The following WASHC2C variants were observed in gnomAD, a reference collection of about 807,000 sequenced individuals.
The protein encoded by WASHC2C is Vaccinia Penetration Factor.
WASHC2C carries 73 observed loss-of-function variants against 142.2 expected under a neutral mutation model. The ratio of observed to expected loss-of-function variants is 0.51; its 90% CI spans 0.43 to 0.62. The LOEUF is 0.62. Among genes scored for constraint, WASHC2C ranks in the 20% least tolerant of loss-of-function variants. WASHC2C has a pLI of 0.00. For missense variants in WASHC2C, 969 were observed against 1,531.7 expected (o/e 0.63, Z 6.13); for synonymous variants, 337 against 565.5 (o/e 0.60, Z 5.73).
intron 21 of WASHC2C, among the ~76,000 whole-genome samples, chr10:45,775,680 AT>A (rs569006368): frequency 2.6e-3 from 345 of 132,974 alleles, no homozygotes; most frequent in African/African-American, 6.8e-3. Flanking sequence ...TTTGCATTGA[AT>A]TTTTTTTTTT....
At chr10:45,756,459 A>AAC in intron 15 of WASHC2C, among the ~76,000 whole-genome samples, 1 of 152,182 alleles carries the variant, frequency 6.6e-6, no homozygotes, top group African/African-American at 2.4e-5. Flanking sequence ...CTTCTTATTT[A>AAC]TAGCCTTATT....
In WASHC2C at chr10:45,790,348, T is replaced by G. The variant is rs1446613215; in HGVS notation, c.3709-8T>G. Reference sequence around the variant, plus strand: ...ACATTGTTTTGTATGTATTTTTGGCTTAACAAGGATGATATATTTGCTACG... The same window carrying G: ...ACATTGTTTTGTATGTATTTTTGGCGTAACAAGGATGATATATTTGCTACG... On this transcript the variant is annotated splice_polypyrimidine_tract_variant and splice_region_variant and intron_variant, in intron 29 of 30. Coordinates refer to ENST00000623400, the MANE Select transcript of WASHC2C (RefSeq NM_001330074.2). The G allele has an allele frequency of 3.7e-6, 6 of 1,608,864 alleles. No individual in the cohort carries two copies. The South Asian group carries it at 6.7e-5, about 18-fold the overall frequency.
At chr10:45,729,897 A>G (rs1268787865) in intron 3 of WASHC2C, among the ~76,000 whole-genome samples, 4 of 152,216 alleles carry the variant, frequency 2.6e-5, no homozygotes, top group African/African-American at 9.6e-5. Context: ...CTTGTGCAGC[A>G]TGTTTGTGCA....
intron 30 of WASHC2C, among the ~76,000 whole-genome samples, chr10:45,791,378 C>T (rs1279443485): frequency 2.0e-5 from 3 of 149,106 alleles, no homozygotes; most frequent in Non-Finnish European, 4.5e-5. Context: ...TGAATAACCC[C>T]TAGAGGTAAT....
At chr10:45,741,799 T>A (rs2052089310) in intron 5 of WASHC2C, among the ~76,000 whole-genome samples, 1 of 73,294 alleles carries the variant, frequency 1.4e-5, no homozygotes, top group Middle Eastern at 6.3e-3. Flanking sequence ...CTTGACCCTA[T>A]TTTTTTTTTT....
intron 28 of WASHC2C, among the ~76,000 whole-genome samples, chr10:45,788,520 G>A (rs1589971715): frequency 6.6e-6 from 1 of 152,010 alleles, no homozygotes; most frequent in East Asian, 1.9e-4. Flanking sequence ...TGAGGGTAGA[G>A]TAGGGGCCAA....
chr10:45,727,884 T>C (rs1300137115), intron 2 of WASHC2C, among the ~76,000 whole-genome samples: 1 of 152,082 alleles, frequency 6.6e-6, no homozygotes, highest in Admixed American at 6.6e-5. Flanking sequence ...AACAAGCCAG[T>C]ATGTGGATAT....
chr10:45,759,446 T>C lies in WASHC2C; in HGVS notation c.1635+45T>C. The C allele has an allele frequency of 2.2e-6, 3 of 1,389,578 alleles. No homozygotes were observed. The South Asian group carries it at 3.6e-5, about 17-fold the overall frequency. 86.1% of individuals were successfully genotyped at this position (1,389,578 alleles called of 1,614,324 possible). A position where few individuals can be genotyped will look rare whatever the true frequency, so the allele number is the denominator to read the frequency against. On this transcript the variant is annotated intron_variant, in intron 17 of 30. Coordinates refer to ENST00000623400, the MANE Select transcript of WASHC2C (RefSeq NM_001330074.2). The stretch of plus-strand genomic sequence containing the variant: ...AGTTGTGGGTATTAGTCTATGGATA[T>C]GACATAGAAACTATTTTTGAATCAG...
At chr10:45,782,355 A>C (rs1464185658) in intron 23 of WASHC2C, among the ~76,000 whole-genome samples, 1 of 150,568 alleles carries the variant, frequency 6.6e-6, no homozygotes, top group Non-Finnish European at 1.5e-5. Flanking sequence ...ATGGCCAAAA[A>C]GGATATAGAA....
intron 19 of WASHC2C, among the ~76,000 whole-genome samples, chr10:45,768,167 C>T (rs2056141594): frequency 6.7e-6 from 1 of 148,490 alleles, no homozygotes; most frequent in African/African-American, 2.5e-5. Context: ...GCAGAGGTTG[C>T]AGTGAGCCGA....
At position 45,792,857 on chromosome 10, in the gene WASHC2C, A is replaced by T. The variant is rs2058456161; in HGVS notation, c.*457A>T. ...CTTAGCAATATGGGAGCAGGTTTTCACTGAATTCTGAGGGTGCCTCTGCAT... is the reference window on the plus strand; with the variant it reads ...CTTAGCAATATGGGAGCAGGTTTTCTCTGAATTCTGAGGGTGCCTCTGCAT... On this transcript the variant is annotated 3_prime_UTR_variant, in exon 31 of 31. Coordinates refer to ENST00000623400, the MANE Select transcript of WASHC2C (RefSeq NM_001330074.2). 2 of 470,982 alleles carry T rather than the reference A, an allele frequency of 4.2e-6. No individual in the cohort carries two copies. Among genetic ancestry groups the T allele is most frequent in the Admixed American group, 2.3e-5 (1 of 42,620 alleles). 29.2% of individuals were successfully genotyped at this position (470,982 alleles called of 1,614,324 possible).
intron 6 of WASHC2C, among the ~76,000 whole-genome samples, chr10:45,744,456 CTT>C (rs2134380699): frequency 7.1e-6 from 1 of 140,766 alleles, no homozygotes; most frequent in African/African-American, 2.6e-5. Context: ...CAGTCTCTCT[CTT>C]TTGTTCTGTG....
intron 7 of WASHC2C, 24 bp from the exon 8 acceptor site, chr10:45,746,576 C>A (rs2052862204): frequency 6.2e-7 from 1 of 1,612,832 alleles, no homozygotes; most frequent in Non-Finnish European, 8.5e-7. Flanking sequence ...CATTTAACAA[C>A]AAAGCCTTTT....
At chr10:45,749,698 T>C (rs1554873067) in intron 8 of WASHC2C, among the ~76,000 whole-genome samples, 1 of 150,320 alleles carries the variant, frequency 6.7e-6, no homozygotes, top group East Asian at 2.0e-4. Flanking sequence ...TAGTGGTGCA[T>C]GCGTGTAATC....
intron 17 of WASHC2C, among the ~76,000 whole-genome samples, chr10:45,760,163 C>T (rs2054908664): frequency 9.5e-6 from 1 of 104,938 alleles, no homozygotes; most frequent in Non-Finnish European, 1.9e-5. Flanking sequence ...GCTTTGGTCC[C>T]TCCAGGCACC....
intron 18 of WASHC2C, 84 bp from the exon 19 acceptor site, chr10:45,765,595 A>C: frequency 6.4e-7 from 1 of 1,571,848 alleles, no homozygotes; most frequent in Non-Finnish European, 8.7e-7. Context: ...CTGGAGACTT[A>C]CTTCCTTAAA....
In WASHC2C at chr10:45,792,422, T is replaced by G. The variant is rs2135874491; in HGVS notation, c.*22T>G. The G allele has an allele frequency of 6.4e-7, 1 of 1,562,706 alleles. No individual in the cohort carries two copies. The highest frequency in any genetic ancestry group is 2.2e-5 in the East Asian group (1 of 44,700). ...GTAGAGCACACAGGGTATCCACATG[T>G]TACCCTGCAGCTACATTGTTGAGTT... is the stretch of plus-strand genomic sequence containing the variant. On this transcript the variant is annotated 3_prime_UTR_variant, in exon 31 of 31. Transcript: ENST00000623400.
At chr10:45,728,421 G>A (rs1463300929) in intron 2 of WASHC2C, among the ~76,000 whole-genome samples, 13 of 152,248 alleles carry the variant, frequency 8.5e-5, no homozygotes, top group Middle Eastern at 3.4e-3. Context: ...GTTTTCCAAT[G>A]TCACTTGGTT....
chr10:45,744,662 G>A (rs2052588770), intron 6 of WASHC2C, among the ~76,000 whole-genome samples, 159 bp from the exon 7 acceptor site: 1 of 150,560 alleles, frequency 6.6e-6, no homozygotes, highest in Non-Finnish European at 1.5e-5. Context: ...ACATAAATAT[G>A]TAATTCCTCA....
Sources: allele counts gnomAD v4.1 joint callset (sites outside exome capture counted in the v4.1 genomes callset), GRCh38; gene constraint gnomAD v4.1.1; transcripts MANE v1.5; gene names NCBI Gene and HGNC (gene_info 2026-07-23, HGNC 2026-07-21).